Variants in TSHZ2 observed in about 807,000 individuals in gnomAD.
TSHZ2 encodes teashirt zinc finger homeobox 2, also known as teashirt homolog 2.
A neutral mutation model predicts 74.4 loss-of-function variants in TSHZ2; 21 were observed. The ratio of observed to expected loss-of-function variants is 0.28; its 90% CI spans 0.20 to 0.41. The LOEUF (loss-of-function observed/expected upper bound fraction) is 0.41, where lower values mean the gene tolerates loss of function less well. TSHZ2 is among the 10% of genes least tolerant of loss of function. The probability of loss-of-function intolerance (pLI) is 1.00; values close to 1 mark genes in which losing one functional copy is unlikely to be tolerated. For missense variants in TSHZ2, 1,244 were observed against 1,293.5 expected (o/e 0.96, Z 0.59); for synonymous variants, 540 against 515.3 (o/e 1.05, Z -0.65).
At chr20:53,204,880 G>C (rs576753307) in intron 1 of TSHZ2, among the ~76,000 whole-genome samples, 1 of 151,948 alleles carries the variant, frequency 6.6e-6, no homozygotes, top group South Asian at 2.1e-4. Flanking sequence ...AGGAGTTCAA[G>C]ACTAGCCTGA....
chr20:52,974,136 T>C (rs1981239918), intron 1 of TSHZ2, among the ~76,000 whole-genome samples: 1 of 152,184 alleles, frequency 6.6e-6, no homozygotes, highest in Admixed American at 6.5e-5. Context: ...AAGTTTTTTT[T>C]TCTTTTGGGT....
At chr20:53,156,950 A>C (rs1987810058) in intron 1 of TSHZ2, among the ~76,000 whole-genome samples, 1 of 152,220 alleles carries the variant, frequency 6.6e-6, no homozygotes, top group African/African-American at 2.4e-5. Context: ...AGAGAAGTTA[A>C]GCAAGAAGGT....
At chr20:53,453,400 T>G (rs1369810492) in intron 2 of TSHZ2, among the ~76,000 whole-genome samples, 1 of 152,216 alleles carries the variant, frequency 6.6e-6, no homozygotes, top group Non-Finnish European at 1.5e-5. Context: ...AATTGATGAC[T>G]GGGCCCTGAT....
rs1986489894 is a variant in TSHZ2, at chr20:53,493,096, T to C, written c.*5961T>C. Reference sequence around the variant, plus strand: ...GGGAGCGTAAGCCTTCCGTGCATTTTTATAGTGTACATATTTGTATATACT... The same window carrying C: ...GGGAGCGTAAGCCTTCCGTGCATTTCTATAGTGTACATATTTGTATATACT... On this transcript the variant is annotated 3_prime_UTR_variant, in exon 3 of 3. Coordinates refer to ENST00000371497, the MANE Select transcript of TSHZ2 (RefSeq NM_173485.6). 6.6e-6 allele frequency: 1 copy of C among 152,250 alleles called. No homozygotes were observed. The highest frequency in any genetic ancestry group is 1.5e-5 in the Non-Finnish European group (1 of 68,042). The allele number at this position is 152,250 out of a possible 1,614,324, so 9.4% of individuals were successfully genotyped here. A position where few individuals can be genotyped will look rare whatever the true frequency, so the allele number is the denominator to read the frequency against.
chr20:53,107,971 T>A (rs1050084648), intron 1 of TSHZ2, among the ~76,000 whole-genome samples: 1 of 152,232 alleles, frequency 6.6e-6, no homozygotes, highest in East Asian at 1.9e-4. Flanking sequence ...CAGGGTAAGA[T>A]TTGTTATTTG....
rs74826757 is a variant in TSHZ2, at chr20:53,116,447, C to T, written c.41-137052C>T. On this transcript the variant is annotated intron_variant, in intron 1 of 2. Coordinates refer to ENST00000371497, the MANE Select transcript of TSHZ2 (RefSeq NM_173485.6). ...TCTTCCTTACTCTCCTGACTACAACCTCGCTCATTCTCTCTCAGCTCCTTA... is the reference window on the plus strand; with the variant it reads ...TCTTCCTTACTCTCCTGACTACAACTTCGCTCATTCTCTCTCAGCTCCTTA... 8.4e-4 allele frequency among the ~76,000 whole-genome samples: 128 copies of T among 152,318 alleles called. No individual in the cohort carries two copies. In the East Asian group the frequency reaches 0.024, roughly 28 times the overall value.
intron 1 of TSHZ2, among the ~76,000 whole-genome samples, chr20:53,164,437 AGG>A (rs1988019493): frequency 6.7e-6 from 1 of 148,798 alleles, no homozygotes; most frequent in Non-Finnish European, 1.5e-5. Context: ...AAAAAAAAAA[AGG>A]AATATACATA....
intron 1 of TSHZ2, among the ~76,000 whole-genome samples, chr20:53,228,597 G>A (rs1052278276): frequency 1.3e-5 from 2 of 151,668 alleles, no homozygotes; most frequent in Non-Finnish European, 2.9e-5. Context: ...GATGCCAGTG[G>A]CACCACCTCC....
chr20:53,381,240 A>G (rs183883792), intron 2 of TSHZ2, among the ~76,000 whole-genome samples: 2 of 152,294 alleles, frequency 1.3e-5, no homozygotes, highest in Non-Finnish European at 2.9e-5. Context: ...TTTCACCCCC[A>G]TCACTCACTT....
At chr20:53,322,528 A>G (rs13045762) in intron 2 of TSHZ2, among the ~76,000 whole-genome samples, 12,411 of 152,110 alleles carry the variant, frequency 0.082, 579 homozygotes, top group Non-Finnish European at 0.1. Flanking sequence ...AAAAAAAGAA[A>G]AAAAAAACAT....
chr20:53,369,989 T>A (rs1027224677), intron 2 of TSHZ2, among the ~76,000 whole-genome samples: 1 of 152,180 alleles, frequency 6.6e-6, no homozygotes, highest in Non-Finnish European at 1.5e-5. Context: ...AAATTTTTTT[T>A]AATCTGATCT....
intron 1 of TSHZ2, among the ~76,000 whole-genome samples, chr20:53,221,223 C>T (rs1028164397): frequency 2.0e-5 from 3 of 152,072 alleles, no homozygotes; most frequent in African/African-American, 4.8e-5. Context: ...TTGTGAGGCC[C>T]CCCCCGCCAT....
chr20:53,060,625 A>G (rs1253879346), intron 1 of TSHZ2, among the ~76,000 whole-genome samples: 2 of 152,256 alleles, frequency 1.3e-5, no homozygotes, highest in African/African-American at 4.8e-5. Flanking sequence ...CATGGAGCTT[A>G]GCAATTTGTC....
intron 1 of TSHZ2, among the ~76,000 whole-genome samples, chr20:53,042,814 C>T (rs144898591): frequency 2.0e-5 from 3 of 152,016 alleles, no homozygotes; most frequent in Non-Finnish European, 4.4e-5. Flanking sequence ...GTTATAAGTG[C>T]ATATGTTTCG....
chr20:53,461,236 T>C (rs1365262503), intron 2 of TSHZ2, among the ~76,000 whole-genome samples: 1 of 152,132 alleles, frequency 6.6e-6, no homozygotes, highest in Non-Finnish European at 1.5e-5. Context: ...CGGGATATAA[T>C]CTCCTGGTGC....
intron 2 of TSHZ2, among the ~76,000 whole-genome samples, chr20:53,316,959 C>G (rs567759115): frequency 6.6e-6 from 1 of 152,068 alleles, no homozygotes; most frequent in African/African-American, 2.4e-5. Flanking sequence ...TACAATCCCA[C>G]CATTAATGCT....
chr20:53,340,177 CTTTTTTCT>C (rs1355838150), intron 2 of TSHZ2, among the ~76,000 whole-genome samples: 15 of 94,080 alleles, frequency 1.6e-4, no homozygotes, highest in African/African-American at 2.2e-4. Flanking sequence ...ACTTTTCTTT[CTTTTTTCT>C]TTTTTTTTTT....
chr20:53,425,802 T>G (rs543923422), intron 2 of TSHZ2, among the ~76,000 whole-genome samples: 6 of 110,590 alleles, frequency 5.4e-5, no homozygotes, highest in South Asian at 4.0e-4. Context: ...CGTTCTTTTG[T>G]TTTTTTTTTT....
chr20:53,468,004 T>C (rs1985612752), intron 2 of TSHZ2, among the ~76,000 whole-genome samples: 1 of 152,142 alleles, frequency 6.6e-6, no homozygotes, highest in African/African-American at 2.4e-5. Context: ...ACATTCTTTC[T>C]GTAAAAGAAA....
Sources: gnomAD v4.1 joint callset for allele counts (sites outside exome capture counted in the v4.1 genomes callset) on GRCh38, gnomAD v4.1.1 for gene constraint, MANE v1.5 for transcripts, NCBI Gene and HGNC (gene_info 2026-07-23, HGNC 2026-07-21) for gene names.